The following EDN2 variants were observed in gnomAD, a reference collection of about 807,000 sequenced individuals.
The protein encoded by EDN2 is endothelin-2.
In EDN2, 10 loss-of-function variants were observed where a neutral mutation model predicts 19.9. The observed-to-expected ratio is 0.50, with a 90% confidence interval of 0.31 to 0.85. EDN2 has a LOEUF of 0.85. Among genes scored for constraint, EDN2 ranks in the 40% least tolerant of loss-of-function variants. EDN2 has a pLI of 0.05. For synonymous variants in EDN2, 84 were observed against 94.9 expected (o/e 0.89, Z 0.67); for missense variants, 222 against 239.3 (o/e 0.93, Z 0.48).
At chr1:41,482,401 T>G (rs1395451219) in intron 3 of EDN2, 65 bp downstream of exon 3, 45 of 1,479,128 alleles carry the variant, frequency 3.0e-5, no homozygotes, top group Middle Eastern at 2.0e-4. Context: ...CCCAGACACC[T>G]GCTCCCCAGG....
chr1:41,480,702 C>T (rs989887485), intron 4 of EDN2: 9 of 466,976 alleles, frequency 1.9e-5, no homozygotes, highest in Non-Finnish European at 3.4e-5. Flanking sequence ...CTGACTCACA[C>T]TGAGGCACCA....
intron 2 of EDN2, 45 bp from the exon 3 acceptor site, chr1:41,482,633 AAGAGAG>A: frequency 6.6e-7 from 1 of 1,514,374 alleles, no homozygotes; most frequent in Non-Finnish European, 8.8e-7. Flanking sequence ...GGTGGAGAGA[AAGAGAG>A]AGAGAGAAAA....
rs376618881 is a variant in EDN2 at position 41,482,545 on chromosome 1, G to A, written c.265C>T (p.Arg89Cys). The change falls in exon 3 of 5, where the codon CGC becomes TGC. Residue 89 changes from arginine to cysteine, a missense_variant. Arg to Cys is a radical substitution (Grantham distance 180, BLOSUM62 -3). Transcript: ENST00000372587. ...TGACAGCGCCTTGGCAGGGAGCGGC[G>A]CCGGCGTCTTGGCGGGTTTCCCAGG... ...YGLGNPPRRRRRSLPRRCQCS... is the reference protein window; with the variant it reads ...YGLGNPPRRRCRSLPRRCQCS... The A allele has an allele frequency of 7.6e-6, 12 of 1,588,114 alleles. No homozygotes were observed. Among genetic ancestry groups the A allele is most frequent in the Admixed American group, 1.8e-5 (1 of 55,592 alleles).
chr1:41,483,287 G>A (rs1644263907), intron 2 of EDN2, among the ~76,000 whole-genome samples: 1 of 152,262 alleles, frequency 6.6e-6, no homozygotes. Context: ...ACTCCAGGTA[G>A]ACTCAGCACG....
At chr1:41,483,810 CG>C (rs1644268335) in intron 2 of EDN2, 3 of 453,600 alleles carry the variant, frequency 6.6e-6, no homozygotes, top group South Asian at 3.2e-5. Flanking sequence ...ATCTGGAAAA[CG>C]GGGCCAACAC....
At chr1:41,483,539 C>T (rs536728088) in intron 2 of EDN2, among the ~76,000 whole-genome samples, 1 of 152,020 alleles carries the variant, frequency 6.6e-6, no homozygotes, top group Non-Finnish European at 1.5e-5. Context: ...TCTCATCTGT[C>T]GTTTGAGGGA....
At chr1:41,481,303 G>A in intron 3 of EDN2, 110 bp from the exon 4 acceptor site, 1 of 804,282 alleles carries the variant, frequency 1.2e-6, no homozygotes, top group Non-Finnish European at 2.0e-6. Context: ...CCTGCCTGCG[G>A]GAGCAGATCC....
rs754917135 is a variant in EDN2 at position 41,481,133 on chromosome 1, C to T, written c.405G>A (p.Lys135=). The change falls in exon 4 of 5, where the codon AAG becomes AAA. Residue 135 remains lysine, a synonymous_variant. Coordinates refer to ENST00000372587, the MANE Select transcript of EDN2 (RefSeq NM_001956.5). ...GAAGCTCTCCTGTAGTGGCCCCTGT[C>T]TTGCCAGTCTGGAACACGTCTGCAG... ...KSPADVFQTG[K]TGATTGELLQ... The T allele has an allele frequency of 7.4e-6, 12 of 1,614,122 alleles. No individual in the cohort carries two copies. Among genetic ancestry groups the T allele is most frequent in the Non-Finnish European group, 1.0e-5 (12 of 1,180,030 alleles).
chr1:41,482,675 A>C, intron 2 of EDN2, 87 bp from the exon 3 acceptor site: 7 of 1,422,460 alleles, frequency 4.9e-6, no homozygotes, highest in Non-Finnish European at 6.4e-6. Context: ...GGATTAAATA[A>C]ACCACAACCA....
intron 3 of EDN2, among the ~76,000 whole-genome samples, chr1:41,481,806 G>T (rs1042542305): frequency 6.6e-6 from 1 of 152,188 alleles, no homozygotes; most frequent in African/African-American, 2.4e-5. Flanking sequence ...CTCCCAAAGT[G>T]CTGGGATTAC....
At position 41,482,512 on chromosome 1, in the gene EDN2, T is replaced by G. The variant is rs760540746; in HGVS notation, c.298A>C (p.Ser100Arg). Reference protein sequence around the residue: ...RSLPRRCQCSSARDPACATFC... With the variant: ...RSLPRRCQCSRARDPACATFC... ...GTGGCACAGGCGGGGTCCCTGGCAC[T>G]GGAGCACTGACAGCGCCTTGGCAGG... The change falls in exon 3 of 5, where the codon AGT (serine) becomes CGT (arginine). Residue 100 changes from serine (S) to arginine (R), a missense_variant. By Grantham distance (110) the Ser-to-Arg change is moderately radical. Coordinates refer to ENST00000372587, the MANE Select transcript of EDN2 (RefSeq NM_001956.5). 1 of 1,596,990 alleles carries G rather than the reference T, an allele frequency of 6.3e-7. No individual in the cohort carries two copies.
chr1:41,483,507 T>TA (rs1453977271), intron 2 of EDN2, among the ~76,000 whole-genome samples: 4 of 152,174 alleles, frequency 2.6e-5, no homozygotes, highest in Non-Finnish European at 5.9e-5. Flanking sequence ...CACCCGGGTG[T>TA]AGCCAGTAGC....
chr1:41,481,323 C>A, intron 3 of EDN2, 130 bp from the exon 4 acceptor site: 1 of 646,870 alleles, frequency 1.5e-6, no homozygotes, highest in South Asian at 2.0e-5. Context: ...CATTTCCACC[C>A]CTGTGCACCT....
chr1:41,484,017 C>T, intron 2 of EDN2, 30 bp downstream of exon 2: 2 of 1,560,894 alleles, frequency 1.3e-6, no homozygotes, highest in Non-Finnish European at 1.7e-6. Context: ...CCCAGAGCTC[C>T]CCCTGCCCCC....
chr1:41,481,694 C>A (rs368096234), intron 3 of EDN2, among the ~76,000 whole-genome samples: 67 of 152,154 alleles, frequency 4.4e-4, no homozygotes, highest in African/African-American at 1.5e-3. Flanking sequence ...CGCCCGCCAC[C>A]ATGCCCAGCA....
At chr1:41,482,384 C>T (rs1644255119) in intron 3 of EDN2, 82 bp downstream of exon 3, 1 of 1,428,770 alleles carries the variant, frequency 7.0e-7, no homozygotes, top group Non-Finnish European at 9.1e-7. Flanking sequence ...CGCTCCTCTG[C>T]TAGTCTCCCA....
chr1:41,479,430 A>G lies in EDN2; in HGVS notation c.516T>C (p.His172=), dbSNP rs1206519380. Residue 172 remains histidine (H), a synonymous_variant, in exon 5 of 5, where the codon CAT becomes CAC. Coordinates refer to ENST00000372587, the MANE Select transcript of EDN2 (RefSeq NM_001956.5). ...QEAMREPRST[H]SRWRKR Reference sequence around the variant, plus strand: ...GACACTATCTCTTCCTCCACCTGGAATGTGTGGACCGAGGCTCCCGCATGG... The same window carrying G: ...GACACTATCTCTTCCTCCACCTGGAGTGTGTGGACCGAGGCTCCCGCATGG... 5 of 1,613,760 alleles carry G rather than the reference A, an allele frequency of 3.1e-6. No individual in the cohort carries two copies. The African/African-American group carries it at 6.7e-5, about 22-fold the overall frequency.
Position 41,481,080 on chromosome 1 carries a change from G to A in EDN2, c.443+15C>T, listed in dbSNP as rs1644243249. ...CAGGAGGTGCTCAGTCTGTGCATGT[G>A]TCCCACGCCCTCACCTCAGCCTTTG... On this transcript the variant is annotated intron_variant, in intron 4 of 4. Transcript: ENST00000372587. 1.9e-6 allele frequency: 3 copies of A among 1,604,054 alleles called. No homozygotes were observed. Among genetic ancestry groups the A allele is most frequent in the East Asian group, 2.2e-5 (1 of 44,836 alleles).
chr1:41,484,446 C>T, intron 1 of EDN2, 92 bp downstream of exon 1: 6 of 1,486,678 alleles, frequency 4.0e-6, no homozygotes, highest in Non-Finnish European at 5.5e-6. Flanking sequence ...TGTCTGCCCC[C>T]AGCTGGCTTG....
Sources: gnomAD v4.1 joint callset for allele counts (sites outside exome capture counted in the v4.1 genomes callset) on GRCh38, gnomAD v4.1.1 for gene constraint, MANE v1.5 for transcripts, NCBI Gene and HGNC (gene_info 2026-07-23, HGNC 2026-07-21) for gene names.